The following ATF2 variants were observed in gnomAD, a reference collection of about 807,000 sequenced individuals.
ATF2 encodes activating transcription factor 2.
ATF2 carries 24 observed loss-of-function variants against 60.6 expected under a neutral mutation model. The observed-to-expected ratio is 0.40, with a 90% CI of 0.29 to 0.56. The LOEUF is 0.56. ATF2 is among the 20% of genes least tolerant of loss of function. The pLI is 0.54. For synonymous variants in ATF2, 206 were observed against 215.4 expected (o/e 0.96, Z 0.38); for missense variants, 433 against 607.7 (o/e 0.71, Z 3.02).
chr2:175,130,112 A>G (rs1697625192), intron 4 of ATF2, 26 bp downstream of exon 4: 1 of 1,473,202 alleles, frequency 6.8e-7, no homozygotes, highest in Non-Finnish European at 9.3e-7. Context: ...AATATACAAA[A>G]TAATTTAAAG....
chr2:175,077,414 A>G (rs891867655), intron 13 of ATF2, among the ~76,000 whole-genome samples: 2 of 152,168 alleles, frequency 1.3e-5, no homozygotes, highest in Admixed American at 1.3e-4. Context: ...AGTCCCACCA[A>G]CAGTGTAAAA....
At chr2:175,093,639 A>AT (rs1285770390) in intron 11 of ATF2, among the ~76,000 whole-genome samples, 2 of 152,194 alleles carry the variant, frequency 1.3e-5, no homozygotes, top group Non-Finnish European at 2.9e-5. Flanking sequence ...AAAACTAATT[A>AT]TAAATTTCTC....
intron 10 of ATF2, among the ~76,000 whole-genome samples, chr2:175,101,317 G>A (rs1695296119): frequency 6.6e-6 from 1 of 151,818 alleles, no homozygotes; most frequent in Middle Eastern, 3.2e-3. Flanking sequence ...GAAAAGTGTG[G>A]GTCAGAACAA....
chr2:175,089,333 T>C (rs1694385623), intron 12 of ATF2, among the ~76,000 whole-genome samples: 1 of 152,160 alleles, frequency 6.6e-6, no homozygotes, highest in African/African-American at 2.4e-5. Context: ...GGCAATAAGG[T>C]TGAATATATT....
intron 4 of ATF2, among the ~76,000 whole-genome samples, chr2:175,125,610 C>T (rs908367616): frequency 1.3e-5 from 2 of 152,114 alleles, no homozygotes; most frequent in South Asian, 4.1e-4. Flanking sequence ...TTTTAAGAAA[C>T]TAAGTAGACA....
chr2:175,088,748 T>C (rs1694341072), intron 12 of ATF2, among the ~76,000 whole-genome samples: 1 of 152,156 alleles, frequency 6.6e-6, no homozygotes, highest in Non-Finnish European at 1.5e-5. Flanking sequence ...ATCTGCTTTT[T>C]GTTCATAAGG....
chr2:175,121,664 C>A, intron 4 of ATF2, 124 bp from the exon 5 acceptor site: 2 of 650,216 alleles, frequency 3.1e-6, no homozygotes, highest in Non-Finnish European at 5.1e-6. Context: ...AGTTTTTAAA[C>A]TATAAAAGAA....
chr2:175,076,209 C>A (rs920651358), intron 13 of ATF2, among the ~76,000 whole-genome samples: 1 of 152,052 alleles, frequency 6.6e-6, no homozygotes, highest in Non-Finnish European at 1.5e-5. Context: ...TTTTCAACAT[C>A]TGCCTCAAAT....
intron 4 of ATF2, among the ~76,000 whole-genome samples, chr2:175,125,275 G>C (rs1697253312): frequency 6.6e-6 from 1 of 151,948 alleles, no homozygotes; most frequent in South Asian, 2.1e-4. Context: ...TAGTTCCTAG[G>C]AAATATTATA....
At chr2:175,159,335 T>G (rs1699879992) in intron 1 of ATF2, among the ~76,000 whole-genome samples, 1 of 151,986 alleles carries the variant, frequency 6.6e-6, no homozygotes, top group Non-Finnish European at 1.5e-5. Context: ...AAAAAAAAGT[T>G]TTATATTAAT....
chr2:175,144,304 T>C (rs1698800045), intron 2 of ATF2, among the ~76,000 whole-genome samples: 1 of 152,176 alleles, frequency 6.6e-6, no homozygotes. Context: ...CAAAAATATT[T>C]CTCCTGCTAT....
In ATF2 at chr2:175,074,626, G is replaced by A. The variant is rs1313988751; in HGVS notation, c.1501C>T (p.Gln501Ter). The A allele has an allele frequency of 6.2e-7, 1 of 1,612,556 alleles. No homozygotes were observed. The highest frequency in any genetic ancestry group is 8.5e-7 in the Non-Finnish European group (1 of 1,179,322). Reference protein sequence around the residue: ...QIVMAPSSQSQPSGS With the variant: ...QIVMAPSSQS ...GTTTTTAATCAACTTCCTGAGGGCT[G>A]TGACTGGGAGGAAGGAGCCATAACG... The change falls in exon 14 of 14, where the codon CAG (glutamine) becomes TAG (stop). Residue 501 changes from glutamine (Q) to a stop codon, truncating the protein, a stop_gained. Coordinates refer to ENST00000264110, the MANE Select transcript of ATF2 (RefSeq NM_001880.4). LOFTEE classifies it high-confidence loss of function.
intron 5 of ATF2, among the ~76,000 whole-genome samples, 174 bp from the exon 6 acceptor site, chr2:175,118,543 T>C (rs1318137853): frequency 6.6e-6 from 1 of 151,794 alleles, no homozygotes; most frequent in Non-Finnish European, 1.5e-5. Flanking sequence ...TTGTACTTCG[T>C]ATTTCCTCCA....
At chr2:175,114,917 T>C (rs925131998) in intron 7 of ATF2, 49 bp from the exon 8 acceptor site, 2 of 1,570,340 alleles carry the variant, frequency 1.3e-6, no homozygotes, top group Non-Finnish European at 8.7e-7. Flanking sequence ...ATACAAATCA[T>C]GTACCTTAGT....
intron 12 of ATF2, among the ~76,000 whole-genome samples, chr2:175,091,382 T>C (rs1318043754): frequency 6.6e-6 from 1 of 152,052 alleles, no homozygotes; most frequent in Non-Finnish European, 1.5e-5. Flanking sequence ...AGAAAAAAAA[T>C]ACACATACCT....
At chr2:175,080,362 C>T (rs1693680338) in intron 13 of ATF2, 1 of 186,806 alleles carries the variant, frequency 5.4e-6, no homozygotes, top group Non-Finnish European at 1.1e-5. Context: ...AAGTGTTATC[C>T]TGAGAAGATG....
At chr2:175,099,961 T>G (rs1275584768) in intron 10 of ATF2, among the ~76,000 whole-genome samples, 1 of 152,246 alleles carries the variant, frequency 6.6e-6, no homozygotes, top group Non-Finnish European at 1.5e-5. Context: ...CCAAACCTGT[T>G]ACTGCAACTG....
At position 175,136,447 on chromosome 2, in the gene ATF2, T is replaced by C. The variant is rs1435997759; in HGVS notation, c.-4A>G. 1 of 1,610,080 alleles carries C rather than the reference T, an allele frequency of 6.2e-7. No individual in the cohort carries two copies. Among genetic ancestry groups the C allele is most frequent in the Non-Finnish European group, 8.5e-7 (1 of 1,177,838 alleles). Reference sequence around the variant, plus strand: ...TCACATGTAACTTGAATTTCATAAGTTGAATAACTTATCACATTCTTTTTC... The same window carrying C: ...TCACATGTAACTTGAATTTCATAAGCTGAATAACTTATCACATTCTTTTTC... On this transcript the variant is annotated 5_prime_UTR_variant, in exon 3 of 14. Transcript: ENST00000264110.
intron 10 of ATF2, among the ~76,000 whole-genome samples, chr2:175,104,988 T>C (rs1145062): frequency 0.094 from 14,271 of 152,206 alleles, 715 homozygotes; most frequent in Middle Eastern, 0.17. Context: ...TAAGTAAGCT[T>C]CTAAATAATT....
Sources: gnomAD v4.1 joint callset for allele counts (sites outside exome capture counted in the v4.1 genomes callset) on GRCh38, gnomAD v4.1.1 for gene constraint, MANE v1.5 for transcripts, NCBI Gene and HGNC (gene_info 2026-07-23, HGNC 2026-07-21) for gene names.